The following LARP4B variants were observed in gnomAD, a reference collection of about 807,000 sequenced individuals.
LARP4B encodes La ribonucleoprotein 4B.
A neutral mutation model predicts 89.8 loss-of-function variants in LARP4B; 12 were observed. The observed-to-expected ratio is 0.13, with a 90% confidence interval of 0.09 to 0.22. The LOEUF is 0.22. Among genes scored for constraint, LARP4B ranks in the 10% least tolerant of loss-of-function variants. LARP4B has a pLI of 1.00. For missense variants in LARP4B, 757 were observed against 947.7 expected (o/e 0.80, Z 2.64); for synonymous variants, 367 against 363.3 (o/e 1.01, Z -0.12).
At chr10:963,021 T>C in the LARP4B span, among the ~76,000 whole-genome samples, 1 of 152,140 alleles carries the variant, frequency 6.6e-6, no homozygotes, top group African/African-American at 2.4e-5. Context: ...TGGATGTTGC[T>C]CTCCACTCTA....
the LARP4B span, chr10:986,214 T>C: frequency 6.6e-6 from 1 of 152,248 alleles, no homozygotes; most frequent in Non-Finnish European, 1.5e-5. Context: ...AGCTTTTTAC[T>C]GAGAAGTGCC....
chr10:902,667 T>TA (rs1836376222), intron 1 of LARP4B, among the ~76,000 whole-genome samples: 1 of 150,270 alleles, frequency 6.7e-6, no homozygotes, highest in African/African-American at 2.5e-5. Flanking sequence ...AATTTTGAGA[T>TA]AGAGTCTCAC....
At chr10:919,425 T>C (rs767224115) in intron 1 of LARP4B, among the ~76,000 whole-genome samples, 1 of 151,818 alleles carries the variant, frequency 6.6e-6, no homozygotes, top group Non-Finnish European at 1.5e-5. Flanking sequence ...CTGTATTGGA[T>C]GATGTAAAGC....
the LARP4B span, among the ~76,000 whole-genome samples, chr10:963,425 G>A: frequency 1.3e-5 from 2 of 152,160 alleles, no homozygotes; most frequent in Admixed American, 6.5e-5. Context: ...GGGAGCTGGG[G>A]CCCTGCCTCC....
intron 1 of LARP4B, among the ~76,000 whole-genome samples, chr10:930,377 A>C (rs557458131): frequency 2.0e-4 from 31 of 152,324 alleles, no homozygotes; most frequent in African/African-American, 7.5e-4. Context: ...CAGTTATCCA[A>C]AACTTCAAAC....
At chr10:848,482 T>C (rs1190627192) in intron 5 of LARP4B, among the ~76,000 whole-genome samples, 4 of 151,776 alleles carry the variant, frequency 2.6e-5, no homozygotes, top group Non-Finnish European at 5.9e-5. Flanking sequence ...GACACAGATG[T>C]TAAAATTAAC....
chr10:977,213 G>A, the LARP4B span, among the ~76,000 whole-genome samples: 1 of 152,194 alleles, frequency 6.6e-6, no homozygotes, highest in East Asian at 1.9e-4. Flanking sequence ...GAATGCAGTG[G>A]TGTGATCACA....
chr10:853,679 G>A (rs1267416409), intron 5 of LARP4B, among the ~76,000 whole-genome samples: 1 of 152,168 alleles, frequency 6.6e-6, no homozygotes, highest in Non-Finnish European at 1.5e-5. Flanking sequence ...GTGAGATTAT[G>A]TCTGGAAAAA....
intron 3 of LARP4B, among the ~76,000 whole-genome samples, chr10:883,215 T>TA: frequency 6.6e-6 from 1 of 152,206 alleles, no homozygotes; most frequent in African/African-American, 2.4e-5. Flanking sequence ...TGGATATTTT[T>TA]AAAAAATCAA....
In LARP4B at chr10:812,872, T is replaced by C. The variant is rs1377951032; in HGVS notation, c.*54A>G. The C allele has an allele frequency of 5.4e-6, 8 of 1,469,354 alleles. No individual in the cohort carries two copies. Among genetic ancestry groups the C allele is most frequent in the Admixed American group, 2.5e-5 (1 of 40,644 alleles). The allele number at this position is 1,469,354 out of a possible 1,614,324, so 91.0% of individuals were successfully genotyped here. A position where few individuals can be genotyped will look rare whatever the true frequency, so the allele number is the denominator to read the frequency against. On this transcript the variant is annotated 3_prime_UTR_variant, in exon 18 of 18. Coordinates refer to ENST00000316157, the MANE Select transcript of LARP4B (RefSeq NM_015155.3). ...CTCGCCCTCGCACTGAGTGGGAGAG[T>C]GTCTCGTTTGTGGTTAACACAGCGC...
At chr10:833,189 AG>A (rs1203678446) in intron 8 of LARP4B, among the ~76,000 whole-genome samples, 1 of 147,788 alleles carries the variant, frequency 6.8e-6, no homozygotes, top group African/African-American at 2.5e-5. Flanking sequence ...CAATGGAAGT[AG>A]AAGAATTGTC....
chr10:914,773 C>G (rs1447112679), intron 1 of LARP4B, among the ~76,000 whole-genome samples: 3 of 151,646 alleles, frequency 2.0e-5, no homozygotes, highest in Non-Finnish European at 2.9e-5. Flanking sequence ...TGCACTCCAG[C>G]CTGTGCTACA....
intron 5 of LARP4B, among the ~76,000 whole-genome samples, chr10:845,814 T>G (rs1025904067): frequency 1.1e-4 from 16 of 152,200 alleles, no homozygotes; most frequent in African/African-American, 3.9e-4. Flanking sequence ...TGCTAAGAAC[T>G]AAGTTTTTCC....
At chr10:940,077 G>GT in the LARP4B span, among the ~76,000 whole-genome samples, 1 of 144,560 alleles carries the variant, frequency 6.9e-6, no homozygotes, top group South Asian at 2.2e-4. Flanking sequence ...GAGTGCAATG[G>GT]TGCGATCTCG....
At chr10:895,500 A>G (rs968079015) in intron 1 of LARP4B, among the ~76,000 whole-genome samples, 4 of 151,902 alleles carry the variant, frequency 2.6e-5, no homozygotes, top group African/African-American at 9.7e-5. Flanking sequence ...TTCAAGTCCA[A>G]CCTGCCTAAC....
chr10:808,580 G>A (rs996887318), downstream of LARP4B: 2 of 152,206 alleles, frequency 1.3e-5, no homozygotes, highest in Non-Finnish European at 2.9e-5. Context: ...GCAAGTAACA[G>A]AAGCAGCACT....
the LARP4B span, among the ~76,000 whole-genome samples, chr10:956,823 G>T: frequency 6.6e-6 from 1 of 152,180 alleles, no homozygotes; most frequent in African/African-American, 2.4e-5. This position sits in a 1 kb window ranked among gnomAD's most constrained non-coding sequence, Gnocchi z 4.3. Flanking sequence ...AAGGTATGTG[G>T]CTTGGAGCTA....
chr10:982,066 G>T, the LARP4B span, among the ~76,000 whole-genome samples: 3 of 143,958 alleles, frequency 2.1e-5, no homozygotes, highest in Non-Finnish European at 4.6e-5. Context: ...TTTTTTTTTT[G>T]ATCTGCTACT....
At chr10:965,276 A>G in the LARP4B span, among the ~76,000 whole-genome samples, 1 of 152,300 alleles carries the variant, frequency 6.6e-6, no homozygotes, top group East Asian at 1.9e-4. Context: ...GGAACGTCCC[A>G]AGGACAGAAG....
Sources: allele counts gnomAD v4.1 joint callset (sites outside exome capture counted in the v4.1 genomes callset), GRCh38; gene constraint gnomAD v4.1.1; non-coding constraint Gnocchi (gnomAD v3.1); transcripts MANE v1.5; gene names NCBI Gene and HGNC (gene_info 2026-07-23, HGNC 2026-07-21).